Variants in USP46 observed in about 807,000 individuals in gnomAD.
USP46 encodes the protein ubiquitin carboxyl-terminal hydrolase 46.
In USP46, 12 loss-of-function variants were observed where a neutral mutation model predicts 44.4. The ratio of observed to expected loss-of-function variants is 0.27; its 90% CI spans 0.17 to 0.44. The LOEUF (loss-of-function observed/expected upper bound fraction) is 0.44. Among genes scored for constraint, USP46 ranks in the 20% least tolerant of loss-of-function variants. The pLI, the probability that USP46 is intolerant of heterozygous loss-of-function variation, is 1.00. For synonymous variants in USP46, 155 were observed against 161.5 expected, an observed-to-expected ratio of 0.96 and a Z score of 0.31; for missense variants, 248 against 444.8, an observed-to-expected ratio of 0.56 and a Z score of 3.98.
intron 3 of USP46, among the ~76,000 whole-genome samples, chr4:52,626,688 G>A (rs753118173): frequency 5.3e-5 from 8 of 152,042 alleles, no homozygotes; most frequent in Non-Finnish European, 1.0e-4. Context: ...ATCTCTACCA[G>A]GCAGCTTCAA....
intron 4 of USP46, among the ~76,000 whole-genome samples, chr4:52,619,648 G>A (rs1192508874): frequency 6.6e-6 from 1 of 152,216 alleles, no homozygotes; most frequent in Non-Finnish European, 1.5e-5. Context: ...GAAAAAGCCT[G>A]CAGGCTCTGT....
intron 1 of USP46, among the ~76,000 whole-genome samples, chr4:52,633,590 T>C (rs1717996769): frequency 6.6e-6 from 1 of 152,120 alleles, no homozygotes. Flanking sequence ...CAAGCAAAAT[T>C]AGGATATATG....
At chr4:52,646,222 A>G (rs897316901) in intron 1 of USP46, among the ~76,000 whole-genome samples, 24 of 152,182 alleles carry the variant, frequency 1.6e-4, no homozygotes, top group African/African-American at 5.6e-4. Flanking sequence ...CCCACCTTAC[A>G]GCATGGGGAG....
chr4:52,640,390 G>A (rs1483277988), intron 1 of USP46, among the ~76,000 whole-genome samples: 2 of 152,148 alleles, frequency 1.3e-5, no homozygotes, highest in African/African-American at 4.8e-5. Context: ...AAGAAGACTT[G>A]AGAGATTATA....
chr4:52,593,112 A>G lies in USP46; in HGVS notation c.*4528T>C, dbSNP rs1309742919. The G allele has an allele frequency of 2.5e-6, 1 of 395,988 alleles. No individual in the cohort carries two copies. The highest frequency in any genetic ancestry group is 4.4e-5 in the Admixed American group (1 of 22,688). The allele number at this position is 395,988 out of a possible 1,614,324, so 24.5% of individuals were successfully genotyped here. ...TAAGTATTTTTATCTTCATGTAAAT[A>G]TAAGGGAATGGAAATGGAAGGCTTC... On this transcript the variant is annotated 3_prime_UTR_variant, in exon 9 of 9. Transcript: ENST00000441222.
intron 7 of USP46, among the ~76,000 whole-genome samples, chr4:52,600,241 G>C (rs2109592194): frequency 6.6e-6 from 1 of 152,046 alleles, no homozygotes; most frequent in East Asian, 1.9e-4. Context: ...CAGAATATAT[G>C]AGCTTAAAAA....
intron 1 of USP46, chr4:52,656,556 C>T (rs1718960458): frequency 7.2e-7 from 1 of 1,386,758 alleles, no homozygotes; most frequent in South Asian, 1.7e-5. Flanking sequence ...GCATGATCTC[C>T]ACTGTCCCTT....
chr4:52,658,675 C>A (rs184675098), intron 1 of USP46, among the ~76,000 whole-genome samples: 1 of 152,216 alleles, frequency 6.6e-6, no homozygotes, highest in Non-Finnish European at 1.5e-5. Context: ...TTTTAAACAC[C>A]TCGGAAGGAC....
chr4:52,617,585 G>A (rs148512441), intron 4 of USP46, among the ~76,000 whole-genome samples: 2,195 of 152,280 alleles, frequency 0.014, 23 homozygotes, highest in Non-Finnish European at 0.024. Context: ...AAAACATGGC[G>A]CAAAAGCTTT....
chr4:52,640,153 G>A (rs1256819441), intron 1 of USP46, among the ~76,000 whole-genome samples: 1 of 152,048 alleles, frequency 6.6e-6, no homozygotes, highest in Non-Finnish European at 1.5e-5. Flanking sequence ...AAAAAGTAAA[G>A]TTACCCTACA....
chr4:52,596,049 A>G lies in USP46; in HGVS notation c.*1591T>C, dbSNP rs1224739726. ...GTGAAAAGTAAAACATTTCACTTCA[A>G]GCATAAACAAACGAAATGTTGGCAT... On this transcript the variant is annotated 3_prime_UTR_variant, in exon 9 of 9. Transcript: ENST00000441222. 1 of 152,690 alleles carries G rather than the reference A, an allele frequency of 6.5e-6. No homozygotes were observed. Among genetic ancestry groups the G allele is most frequent in the African/African-American group, 2.4e-5 (1 of 41,468 alleles). 9.5% of individuals were successfully genotyped at this position (152,690 alleles called of 1,614,324 possible). A position where few individuals can be genotyped will look rare whatever the true frequency, so the allele number is the denominator to read the frequency against.
At chr4:52,652,619 A>G (rs1294235712) in intron 1 of USP46, among the ~76,000 whole-genome samples, 1 of 152,270 alleles carries the variant, frequency 6.6e-6, no homozygotes, top group East Asian at 1.9e-4. Flanking sequence ...TTTAAACAAT[A>G]AAAGCAAACT....
intron 1 of USP46, among the ~76,000 whole-genome samples, chr4:52,646,391 C>G (rs71597810): frequency 6.6e-6 from 1 of 152,128 alleles, no homozygotes; most frequent in South Asian, 2.1e-4. Context: ...ATATAAAATT[C>G]TGGGCTCTCT....
At position 52,612,980 on chromosome 4, in the gene USP46, A is replaced by G. The variant is rs144861436; in HGVS notation, c.562-2363T>C. Among the ~76,000 whole-genome samples the G allele has an allele frequency of 2.8e-3, 428 of 152,318 alleles. 12 individuals carry two copies. The South Asian group carries it at 0.044, about 16-fold the overall frequency. On this transcript the variant is annotated intron_variant, in intron 4 of 8. Transcript: ENST00000441222. ...TAGTAACTAAGATCCCAGCACACCA[A>G]TACTCCTCCAGAAAACTAGAAACTA...
rs1241116753 is a variant in USP46, at chr4:52,595,738, A to G, written c.*1902T>C. 2 of 152,202 alleles carry G rather than the reference A, an allele frequency of 1.3e-5. No individual in the cohort carries two copies. The highest frequency in any genetic ancestry group is 4.8e-5 in the African/African-American group (2 of 41,456). 9.4% of individuals were successfully genotyped at this position (152,202 alleles called of 1,614,324 possible). A position where few individuals can be genotyped will look rare whatever the true frequency, so the allele number is the denominator to read the frequency against. On this transcript the variant is annotated 3_prime_UTR_variant, in exon 9 of 9. Coordinates refer to ENST00000441222, the MANE Select transcript of USP46 (RefSeq NM_022832.4). ...AACTTTTCTTATGAATCAGTTCCAA[A>G]TATATTAGAGACCAACCATCATGTT...
chr4:52,628,360 A>C (rs1490277877), intron 2 of USP46, 197 bp from the exon 3 acceptor site: 2 of 560,972 alleles, frequency 3.6e-6, no homozygotes, highest in Non-Finnish European at 6.3e-6. Flanking sequence ...GAAATGAAGA[A>C]AAATGCACAT....
In USP46 at chr4:52,592,850, GA is replaced by G; in HGVS notation, c.*4789del. ...AGACTCCATCTTAAAAAAAAAAAAG[GA>G]AAGAAAAGTGTGTAACCCCTCCCCC... On this transcript the variant is annotated 3_prime_UTR_variant, in exon 9 of 9. Coordinates refer to ENST00000441222, the MANE Select transcript of USP46 (RefSeq NM_022832.4). 2.5e-6 allele frequency: 1 copy of G among 397,690 alleles called. No individual in the cohort carries two copies. The highest frequency in any genetic ancestry group is 4.4e-6 in the Non-Finnish European group (1 of 225,868). The allele number at this position is 397,690 out of a possible 1,614,324, so 24.6% of individuals were successfully genotyped here. A position where few individuals can be genotyped will look rare whatever the true frequency, so the allele number is the denominator to read the frequency against.
chr4:52,643,055 C>T (rs1310903353), intron 1 of USP46, among the ~76,000 whole-genome samples: 2 of 152,030 alleles, frequency 1.3e-5, no homozygotes, highest in African/African-American at 2.4e-5. Flanking sequence ...AGAAAACTGG[C>T]GATGAATTAA....
chr4:52,597,520 C>G lies in USP46; in HGVS notation c.*120G>C. On this transcript the variant is annotated 3_prime_UTR_variant, in exon 9 of 9. Coordinates refer to ENST00000441222, the MANE Select transcript of USP46 (RefSeq NM_022832.4). Reference sequence around the variant, plus strand: ...AGGAGAGAGTCTAACACAGCCAGACCATTGAGACTCGGAGTGATACCATTA... The same window carrying G: ...AGGAGAGAGTCTAACACAGCCAGACGATTGAGACTCGGAGTGATACCATTA... 1.5e-6 allele frequency: 1 copy of G among 688,126 alleles called. No homozygotes were observed. The highest frequency in any genetic ancestry group is 2.6e-6 in the Non-Finnish European group (1 of 391,898). The allele number at this position is 688,126 out of a possible 1,614,324, so 42.6% of individuals were successfully genotyped here. A position where few individuals can be genotyped will look rare whatever the true frequency, so the allele number is the denominator to read the frequency against.
Sources: allele counts gnomAD v4.1 joint callset (sites outside exome capture counted in the v4.1 genomes callset), GRCh38; gene constraint gnomAD v4.1.1; transcripts MANE v1.5; gene names NCBI Gene and HGNC (gene_info 2026-07-23, HGNC 2026-07-21).